SLIT3: variants seen among roughly 807,000 people sequenced by gnomAD.
SLIT3 encodes the protein slit homolog 3 protein.
Under a neutral mutation model 184.0 loss-of-function variants are expected in SLIT3, and 68 were observed. The observed-to-expected ratio is 0.37, with a 90% CI of 0.30 to 0.45. SLIT3 has a LOEUF of 0.45. Among genes scored for constraint, SLIT3 ranks in the 20% least tolerant of loss-of-function variants. SLIT3 has a pLI of 1.00. For missense variants in SLIT3, 1,707 were observed against 2,026.0 expected (o/e 0.84, Z 3.02); for synonymous variants, 831 against 828.6 (o/e 1.00, Z -0.05).
At chr5:168,771,821 C>T (rs1755558109) in intron 14 of SLIT3, among the ~76,000 whole-genome samples, 1 of 152,176 alleles carries the variant, frequency 6.6e-6, no homozygotes, top group African/African-American at 2.4e-5. Context: ...TAACCTCTCC[C>T]CACGCTGGCA....
chr5:169,103,735 C>T (rs934809874), intron 4 of SLIT3, among the ~76,000 whole-genome samples: 3 of 152,192 alleles, frequency 2.0e-5, no homozygotes, highest in African/African-American at 7.2e-5. Context: ...CATCCCCCTC[C>T]CACCCATCCC....
chr5:169,217,652 C>T (rs1043464110), intron 3 of SLIT3, among the ~76,000 whole-genome samples: 1 of 152,184 alleles, frequency 6.6e-6, no homozygotes, highest in Non-Finnish European at 1.5e-5. Context: ...GCACGCTCAA[C>T]ACCAGTGTCT....
intron 5 of SLIT3, 44 bp downstream of exon 5, chr5:168,883,221 C>G (rs780804520): frequency 6.5e-7 from 1 of 1,544,634 alleles, no homozygotes; most frequent in South Asian, 1.1e-5. Context: ...TCAGAGAGCC[C>G]AAGTTAGCCA....
intron 8 of SLIT3, among the ~76,000 whole-genome samples, 198 bp downstream of exon 8, chr5:168,817,101 AC>A (rs1477691615): frequency 6.6e-6 from 1 of 152,198 alleles, no homozygotes; most frequent in Non-Finnish European, 1.5e-5. Flanking sequence ...TTACCAGATG[AC>A]AAGAGTTTCT....
chr5:168,894,945 TG>T (rs933008670), intron 4 of SLIT3, among the ~76,000 whole-genome samples: 2 of 151,974 alleles, frequency 1.3e-5, no homozygotes, highest in Admixed American at 6.5e-5. Context: ...GAAGTTCTGA[TG>T]ATCTTTGGGA....
intron 4 of SLIT3, among the ~76,000 whole-genome samples, chr5:169,167,792 C>G (rs952601140): frequency 6.6e-6 from 1 of 152,138 alleles, no homozygotes; most frequent in Admixed American, 6.5e-5. Flanking sequence ...CCCCGCCCAC[C>G]TGCCACCCAG....
chr5:168,730,694 A>T (rs899360840), intron 20 of SLIT3, among the ~76,000 whole-genome samples: 1 of 152,102 alleles, frequency 6.6e-6, no homozygotes, highest in Non-Finnish European at 1.5e-5. Context: ...TGAAAAAACA[A>T]CATACCCAAA....
chr5:169,099,307 G>A (rs545314349), intron 4 of SLIT3, among the ~76,000 whole-genome samples: 1 of 152,246 alleles, frequency 6.6e-6, no homozygotes, highest in Admixed American at 6.5e-5. Flanking sequence ...TGGCAGGATG[G>A]TCTCAGGGTA....
At position 168,666,452 on chromosome 5, in the gene SLIT3, G is replaced by A. The variant is rs1009814278; in HGVS notation, c.*2C>T. 1 of 1,559,686 alleles carries A rather than the reference G, an allele frequency of 6.4e-7. No individual in the cohort carries two copies. The highest frequency in any genetic ancestry group is 1.8e-5 in the Admixed American group (1 of 57,002). On this transcript the variant is annotated 3_prime_UTR_variant, in exon 36 of 36. Transcript: ENST00000519560. ...AGAGGTGGCAGGCAGGCGGGCAGGG[G>A]CTTAGGAACACGCGAGGCAGCCGCA...
At chr5:169,120,343 A>G (rs1285241063) in intron 4 of SLIT3, 1 of 152,184 alleles carries the variant, frequency 6.6e-6, no homozygotes, top group Admixed American at 6.5e-5. Context: ...GTGCCATCCA[A>G]CAGAGTTCCA....
At chr5:169,167,820 T>C (rs1762690068) in intron 4 of SLIT3, among the ~76,000 whole-genome samples, 2 of 152,194 alleles carry the variant, frequency 1.3e-5, no homozygotes, top group Non-Finnish European at 2.9e-5. Flanking sequence ...TCACTGACAC[T>C]CTGGCTGCAC....
intron 12 of SLIT3, among the ~76,000 whole-genome samples, chr5:168,780,802 T>G (rs550334710): frequency 1.8e-4 from 28 of 152,346 alleles, no homozygotes; most frequent in African/African-American, 6.7e-4. Flanking sequence ...TAGAACATTA[T>G]GTTATCATCC....
chr5:168,795,615 C>T, intron 9 of SLIT3, 37 bp from the exon 10 acceptor site: 1 of 1,544,160 alleles, frequency 6.5e-7, no homozygotes. Context: ...ATTAACCATC[C>T]ACCTGTCAAC....
At chr5:168,669,666 T>C (rs1467941013) in intron 35 of SLIT3, 117 bp downstream of exon 35, 2 of 784,772 alleles carry the variant, frequency 2.5e-6, no homozygotes, top group East Asian at 5.4e-5. Flanking sequence ...AGAAAGTGAC[T>C]GAACCAAGGT....
chr5:168,935,924 G>A (rs1289502484), intron 4 of SLIT3, among the ~76,000 whole-genome samples: 1 of 152,178 alleles, frequency 6.6e-6, no homozygotes, highest in Non-Finnish European at 1.5e-5. Context: ...AAGCAAATCT[G>A]TTTATATTTG....
chr5:168,755,389 A>ATTTCTTTCTTTCTTTCTTC (rs1754861016), intron 16 of SLIT3, among the ~76,000 whole-genome samples: 1 of 133,640 alleles, frequency 7.5e-6, no homozygotes, highest in Non-Finnish European at 1.7e-5. Context: ...CAGTGCCGCC[A>ATTTCTTTCTTTCTTTCTTC]TTTCTTTCTT....
intron 12 of SLIT3, among the ~76,000 whole-genome samples, chr5:168,779,509 C>G (rs929934397): frequency 6.6e-6 from 1 of 152,204 alleles, no homozygotes; most frequent in Admixed American, 6.5e-5. Context: ...TCTGCCACCC[C>G]CTTCCTTGGA....
chr5:169,013,099 C>T (rs1349219358), intron 4 of SLIT3: 1 of 152,208 alleles, frequency 6.6e-6, no homozygotes, highest in Non-Finnish European at 1.5e-5. Flanking sequence ...GCTTTATCTT[C>T]CATTGAGCAG....
chr5:169,105,214 A>G (rs1760159773), intron 4 of SLIT3, among the ~76,000 whole-genome samples: 1 of 152,144 alleles, frequency 6.6e-6, no homozygotes, highest in Non-Finnish European at 1.5e-5. Context: ...ATACTGTTTA[A>G]TGTGGGTGGG....
Sources: allele counts gnomAD v4.1 joint callset (sites outside exome capture counted in the v4.1 genomes callset), GRCh38; gene constraint gnomAD v4.1.1; transcripts MANE v1.5; gene names NCBI Gene and HGNC (gene_info 2026-07-23, HGNC 2026-07-21).